Variants in FBXW7 observed in about 807,000 individuals in gnomAD.
FBXW7 encodes F-box/WD repeat-containing protein 7.
FBXW7 carries 11 observed loss-of-function variants against 86.3 expected under a neutral mutation model. The ratio of observed to expected loss-of-function variants is 0.13; its 90% confidence interval spans 0.08 to 0.21. The LOEUF is 0.21. Ranked by LOEUF, FBXW7 falls within the 10% of genes least tolerant of loss-of-function variation. FBXW7 has a pLI of 1.00. For missense variants in FBXW7, 488 were observed against 847.4 expected (o/e 0.58, Z 5.27); for synonymous variants, 313 against 297.9 (o/e 1.05, Z -0.52).
Position 152,326,230 on chromosome 4 carries a change from C to T in FBXW7, c.1420G>A (p.Val474Ile), listed in dbSNP as rs2126497912. 1.2e-6 allele frequency: 2 copies of T among 1,611,738 alleles called. No homozygotes were observed. Among genetic ancestry groups the T allele is most frequent in the Non-Finnish European group, 1.7e-6 (2 of 1,178,484 alleles). ...VRCMHLHEKR[V>I]VSGSRDATLR... The stretch of plus-strand genomic sequence containing the variant: ...GTGGCATCTCGAGAACCGCTAACAA[C>T]TCTGCAGAGGGAGAAACAGAAAAAC... Residue 474 changes from valine to isoleucine, a missense_variant and splice_region_variant, in exon 12 of 14, where the codon GTT becomes ATT. By Grantham distance (29) the Val-to-Ile change is conservative. This residue lies in a region of FBXW7 where 142 missense variants were observed against 406.6 expected (regional missense o/e 0.35). Coordinates refer to ENST00000281708, the MANE Select transcript of FBXW7 (RefSeq NM_001349798.2).
At chr4:152,509,371 T>TA (rs1233301544) in intron 2 of FBXW7, among the ~76,000 whole-genome samples, 153 of 150,444 alleles carry the variant, frequency 1.0e-3, no homozygotes, top group African/African-American at 3.4e-3. Context: ...TTCCTGAGTC[T>TA]AAAAAAAAAG....
intron 2 of FBXW7, among the ~76,000 whole-genome samples, chr4:152,482,156 G>C (rs1029907002): frequency 6.6e-6 from 1 of 152,164 alleles, no homozygotes; most frequent in Non-Finnish European, 1.5e-5. Context: ...CTGGCGAGCA[G>C]TCATCAACAT....
At chr4:152,494,398 A>G (rs560618404) in intron 2 of FBXW7, among the ~76,000 whole-genome samples, 24 of 152,342 alleles carry the variant, frequency 1.6e-4, no homozygotes, top group African/African-American at 5.5e-4. Flanking sequence ...AGATGAGGAA[A>G]CTAGCTGACA....
chr4:152,515,808 T>C (rs1345220575), intron 2 of FBXW7, among the ~76,000 whole-genome samples: 2 of 152,164 alleles, frequency 1.3e-5, no homozygotes, highest in Non-Finnish European at 2.9e-5. Context: ...TGTATCATGT[T>C]TTAATTCAAC....
intron 4 of FBXW7, among the ~76,000 whole-genome samples, chr4:152,360,083 T>C (rs537013551): frequency 6.6e-6 from 1 of 152,336 alleles, no homozygotes; most frequent in Admixed American, 6.5e-5. Context: ...ACCCATGTGA[T>C]AACAATTATT....
chr4:152,511,942 G>A (rs1282606751), intron 2 of FBXW7, among the ~76,000 whole-genome samples: 1 of 151,914 alleles, frequency 6.6e-6, no homozygotes, highest in Non-Finnish European at 1.5e-5. Flanking sequence ...TGACTATCTG[G>A]ATTAAAACAA....
intron 5 of FBXW7, among the ~76,000 whole-genome samples, chr4:152,349,786 T>A (rs926692685): frequency 6.6e-6 from 1 of 151,860 alleles, no homozygotes; most frequent in Non-Finnish European, 1.5e-5. Context: ...CCTTAAAAAT[T>A]GTAATTTTAA....
chr4:152,470,288 A>AC (rs1743832395), intron 2 of FBXW7, among the ~76,000 whole-genome samples: 1 of 152,118 alleles, frequency 6.6e-6, no homozygotes, highest in Non-Finnish European at 1.5e-5. Context: ...TAGACAAAAA[A>AC]TTATAGATCA....
At chr4:152,341,838 T>A (rs1472757386) in intron 6 of FBXW7, among the ~76,000 whole-genome samples, 1 of 152,304 alleles carries the variant, frequency 6.6e-6, no homozygotes, top group East Asian at 1.9e-4. Context: ...CATGCATGTG[T>A]ACATGAAATA....
chr4:152,335,479 A>G (rs1241448791), intron 7 of FBXW7, among the ~76,000 whole-genome samples: 3 of 152,132 alleles, frequency 2.0e-5, no homozygotes, highest in Non-Finnish European at 4.4e-5. Context: ...TCCAACCGCT[A>G]TGGTAGGGAG....
chr4:152,401,709 T>C (rs966043495), intron 4 of FBXW7, among the ~76,000 whole-genome samples: 13 of 152,108 alleles, frequency 8.5e-5, no homozygotes, highest in African/African-American at 2.9e-4. Flanking sequence ...ATGACAAAGG[T>C]AGATTCACTG....
chr4:152,449,482 A>C (rs907354703), intron 2 of FBXW7, among the ~76,000 whole-genome samples: 5 of 152,314 alleles, frequency 3.3e-5, no homozygotes, highest in South Asian at 4.1e-4. Flanking sequence ...TGGTGCAGAT[A>C]ATGATGTAAT....
intron 2 of FBXW7, among the ~76,000 whole-genome samples, chr4:152,476,290 A>C (rs561258644): frequency 8.8e-4 from 134 of 152,296 alleles, no homozygotes; most frequent in African/African-American, 3.0e-3. Flanking sequence ...AAAACAATGA[A>C]CCTGAACTCT....
intron 5 of FBXW7, among the ~76,000 whole-genome samples, chr4:152,349,026 A>C (rs1348009360): frequency 6.6e-6 from 1 of 152,068 alleles, no homozygotes; most frequent in East Asian, 1.9e-4. Flanking sequence ...AATTATGATG[A>C]TTTTCAAATT....
At chr4:152,422,781 T>C (rs533380822) in intron 2 of FBXW7, among the ~76,000 whole-genome samples, 2 of 152,322 alleles carry the variant, frequency 1.3e-5, no homozygotes, top group South Asian at 4.1e-4. Context: ...AGTAACTCAC[T>C]TCTTTTAAAT....
At chr4:152,357,436 T>C (rs1379206992) in intron 4 of FBXW7, among the ~76,000 whole-genome samples, 1 of 151,878 alleles carries the variant, frequency 6.6e-6, no homozygotes, top group Non-Finnish European at 1.5e-5. Context: ...TTCTCATGAC[T>C]CAGCCTCCCA....
chr4:152,477,581 A>G lies in FBXW7; in HGVS notation c.-120+57360T>C, dbSNP rs1744530152. 2.0e-5 allele frequency among the ~76,000 whole-genome samples: 3 copies of G among 152,142 alleles called. No individual in the cohort carries two copies. In the South Asian group the frequency reaches 6.2e-4, roughly 31 times the overall value. On this transcript the variant is annotated intron_variant, in intron 2 of 13. Transcript: ENST00000281708. ...AAACCCATAAATACTCAACCACTGC[A>G]TATTTGTCATTTGAATTTTTCATAT...
At chr4:152,458,934 T>C (rs550065317) in intron 2 of FBXW7, among the ~76,000 whole-genome samples, 1 of 152,298 alleles carries the variant, frequency 6.6e-6, no homozygotes, top group African/African-American at 2.4e-5. Context: ...TTTTCCACTT[T>C]ATAGCACAAC....
chr4:152,481,574 G>T (rs922760713), intron 2 of FBXW7, among the ~76,000 whole-genome samples: 2 of 152,188 alleles, frequency 1.3e-5, no homozygotes, highest in Non-Finnish European at 2.9e-5. Context: ...AAAGTAAATT[G>T]AAAGCCTTCT....
Sources: gnomAD v4.1 joint callset for allele counts (sites outside exome capture counted in the v4.1 genomes callset) on GRCh38, gnomAD v4.1.1 for gene constraint, gnomAD v4.1.1 regional missense constraint, MANE v1.5 for transcripts, NCBI Gene and HGNC (gene_info 2026-07-23, HGNC 2026-07-21) for gene names.